The following EFCAB12 variants were observed in gnomAD, a reference collection of about 807,000 sequenced individuals.
EFCAB12 encodes EF-hand calcium binding domain 12.
In EFCAB12, 43 loss-of-function variants were observed where a neutral mutation model predicts 53.6. The observed-to-expected ratio is 0.80, with a 90% CI of 0.63 to 1.03. The LOEUF (loss-of-function observed/expected upper bound fraction) is 1.03. Ranked by LOEUF, EFCAB12 falls within the 50% of genes least tolerant of loss-of-function variation. The pLI is 0.00. For synonymous variants in EFCAB12, 269 were observed against 289.2 expected (o/e 0.93, Z 0.71); for missense variants, 646 against 730.6 (o/e 0.88, Z 1.34).
intron 6 of EFCAB12, among the ~76,000 whole-genome samples, chr3:129,407,474 C>T (rs771880366): frequency 8.5e-5 from 13 of 152,186 alleles, no homozygotes; most frequent in African/African-American, 2.4e-4. Flanking sequence ...GCCTGTGTGA[C>T]GTGTTCCTTT....
chr3:129,418,793 G>C (rs1371527191), intron 2 of EFCAB12, among the ~76,000 whole-genome samples: 1 of 152,156 alleles, frequency 6.6e-6, no homozygotes, highest in Non-Finnish European at 1.5e-5. Flanking sequence ...CCTGGAGCCA[G>C]GTGGAGACTC....
In EFCAB12 at chr3:129,414,591, G is replaced by T. The variant is rs1162418144; in HGVS notation, c.838+654C>A. ...TGTTTGTTTGTTTACTACAAGAATG[G>T]TACTAAGATATAAAGAAATATTATA... On this transcript the variant is annotated intron_variant, in intron 4 of 8. Transcript: ENST00000505956. 3.3e-5 allele frequency: 5 copies of T among 152,314 alleles called. No homozygotes were observed. In the South Asian group the frequency reaches 8.3e-4, roughly 25 times the overall value. The allele number at this position is 152,314 out of a possible 1,614,324, so 9.4% of individuals were successfully genotyped here. A position where few individuals can be genotyped will look rare whatever the true frequency, so the allele number is the denominator to read the frequency against.
At chr3:129,426,291 G>A (rs944325496) in intron 1 of EFCAB12, among the ~76,000 whole-genome samples, 1 of 150,404 alleles carries the variant, frequency 6.6e-6, no homozygotes, top group Non-Finnish European at 1.5e-5. Flanking sequence ...CTTGGAATTA[G>A]CTCCAAGTTT....
intron 2 of EFCAB12, among the ~76,000 whole-genome samples, chr3:129,421,139 C>T (rs1452886548): frequency 6.6e-6 from 1 of 152,260 alleles, no homozygotes; most frequent in African/African-American, 2.4e-5. Context: ...TGATTTCTGA[C>T]TCTAGAAACG....
intron 5 of EFCAB12, 54 bp downstream of exon 5, chr3:129,411,104 A>AC: frequency 6.5e-7 from 1 of 1,527,934 alleles, no homozygotes; most frequent in Non-Finnish European, 8.8e-7. Context: ...GGTGATCTGA[A>AC]CCCCAGCTGC....
chr3:129,411,079 G>A (rs994840607), intron 5 of EFCAB12, 79 bp downstream of exon 5: 40 of 1,462,560 alleles, frequency 2.7e-5, no homozygotes, highest in African/African-American at 4.2e-5. Flanking sequence ...TGCAGCCAGC[G>A]GGTGGTGCTG....
intron 1 of EFCAB12, 53 bp from the exon 2 acceptor site, chr3:129,421,856 G>T: frequency 6.6e-7 from 1 of 1,509,504 alleles, no homozygotes; most frequent in African/African-American, 1.4e-5. Flanking sequence ...GGACTGAAAG[G>T]AGCCAGGAAG....
Position 129,415,263 on chromosome 3 carries a change from G to GGCT in EFCAB12, c.817_819dup (p.Ser273dup), listed in dbSNP as rs2072100088. On this transcript the variant is annotated inframe_insertion, in exon 4 of 9. Coordinates refer to ENST00000505956, the MANE Select transcript of EFCAB12 (RefSeq NM_207307.3). Reference sequence around the variant, plus strand: ...TACGCACGCTCCCTTGCAGTGGCCAGGCTGCTCCTTTGCTGAGCCATAGAC... The same window carrying GGCT: ...TACGCACGCTCCCTTGCAGTGGCCAGGCTGCTGCTCCTTTGCTGAGCCATAGAC... 1 of 1,610,134 alleles carries GGCT rather than the reference G, an allele frequency of 6.2e-7. No individual in the cohort carries two copies. Among genetic ancestry groups the GGCT allele is most frequent in the Non-Finnish European group, 8.5e-7 (1 of 1,178,920 alleles).
chr3:129,427,877 G>C (rs1242145852), intron 1 of EFCAB12, among the ~76,000 whole-genome samples: 1 of 152,170 alleles, frequency 6.6e-6, no homozygotes, highest in East Asian at 1.9e-4. Context: ...GGGTCATGCT[G>C]TTTCCTTGCC....
At position 129,411,202 on chromosome 3, in the gene EFCAB12, C is replaced by G; in HGVS notation, c.991G>C (p.Glu331Gln). The change falls in exon 5 of 9, where the codon GAG becomes CAG. Residue 331 changes from glutamate to glutamine, a missense_variant. Physicochemically the swap from Glu to Gln is conservative, Grantham distance 29. Coordinates refer to ENST00000505956, the MANE Select transcript of EFCAB12 (RefSeq NM_207307.3). ...TCGCGGTACCGCTTGCCCACTTCCT[C>G]CATCTCCTCCAGGGTCATGGGCCGC... ...ETRPMTLEEMEEVGKRYRERQ... is the reference protein window; with the variant it reads ...ETRPMTLEEMQEVGKRYRERQ... The G allele has an allele frequency of 6.2e-7, 1 of 1,612,680 alleles. No homozygotes were observed. Among genetic ancestry groups the G allele is most frequent in the Non-Finnish European group, 8.5e-7 (1 of 1,179,402 alleles).
chr3:129,424,019 TC>T (rs2072220507), intron 1 of EFCAB12, among the ~76,000 whole-genome samples: 1 of 152,098 alleles, frequency 6.6e-6, no homozygotes. Flanking sequence ...GCCCTCTGGG[TC>T]CCATAGCCCC....
At chr3:129,417,247 C>A (rs2072126271) in intron 3 of EFCAB12, among the ~76,000 whole-genome samples, 1 of 149,332 alleles carries the variant, frequency 6.7e-6, no homozygotes, top group African/African-American at 2.5e-5. Flanking sequence ...ATTGCTTGAA[C>A]CTGGGAGGCG....
chr3:129,426,359 G>GT (rs71620055), intron 1 of EFCAB12, among the ~76,000 whole-genome samples: 10,193 of 87,754 alleles, frequency 0.12, 895 homozygotes, highest in East Asian at 0.18. Context: ...GTTTTTTTTT[G>GT]TTTTTTTTTT....
At position 129,421,739 on chromosome 3, in the gene EFCAB12, A is replaced by G; in HGVS notation, c.114T>C (p.Ile38=). The change falls in exon 2 of 9, where the codon ATT becomes ATC. Residue 38 remains isoleucine, a synonymous_variant. Coordinates refer to ENST00000505956, the MANE Select transcript of EFCAB12 (RefSeq NM_207307.3). ...NAPVFDPEPV[I]AHCFKQFQQK... ...GCTGGAACTGCTTGAAGCAGTGGGC[A>G]ATGACCGGTTCAGGATCAAAGACGG... 4.3e-6 allele frequency: 7 copies of G among 1,613,902 alleles called. No homozygotes were observed. Among genetic ancestry groups the G allele is most frequent in the Non-Finnish European group, 5.9e-6 (7 of 1,179,884 alleles).
At chr3:129,419,546 G>A (rs964364885) in intron 2 of EFCAB12, among the ~76,000 whole-genome samples, 3 of 152,218 alleles carry the variant, frequency 2.0e-5, no homozygotes, top group South Asian at 2.1e-4. Flanking sequence ...AAGAGGGCTC[G>A]TTATCATGAA....
At chr3:129,413,084 G>A (rs1160786357) in intron 4 of EFCAB12, 2 of 152,160 alleles carry the variant, frequency 1.3e-5, no homozygotes, top group African/African-American at 4.8e-5. Context: ...TGACCTCTGC[G>A]GACATAAAGG....
intron 8 of EFCAB12, 101 bp from the exon 9 acceptor site, chr3:129,401,952 C>A: frequency 6.8e-7 from 1 of 1,474,302 alleles, no homozygotes; most frequent in Non-Finnish European, 9.1e-7. Context: ...GGAGATTTAG[C>A]ACTGTGCCAA....
intron 2 of EFCAB12, among the ~76,000 whole-genome samples, chr3:129,418,692 T>G (rs1164549946): frequency 6.6e-6 from 1 of 152,116 alleles, no homozygotes; most frequent in Admixed American, 6.5e-5. Context: ...GAACTAAAAT[T>G]TCATTCTTAT....
At chr3:129,420,535 G>C (rs2072175500) in intron 2 of EFCAB12, among the ~76,000 whole-genome samples, 3 of 152,122 alleles carry the variant, frequency 2.0e-5, no homozygotes. Flanking sequence ...TTTGTAAAAG[G>C]GGGATCCTCC....
Sources: allele counts gnomAD v4.1 joint callset (sites outside exome capture counted in the v4.1 genomes callset), GRCh38; gene constraint gnomAD v4.1.1; transcripts MANE v1.5; gene names NCBI Gene and HGNC (gene_info 2026-07-23, HGNC 2026-07-21).